The following CCDC93 variants were observed in gnomAD, a reference collection of about 807,000 sequenced individuals.
CCDC93 encodes CCC complex scaffolding subunit CCDC93.
Under a neutral mutation model 108.2 loss-of-function variants are expected in CCDC93, and 61 were observed. The observed-to-expected ratio is 0.56, with a 90% CI of 0.46 to 0.70. The LOEUF (loss-of-function observed/expected upper bound fraction) is 0.70, where lower values mean the gene tolerates loss of function less well. Ranked by LOEUF, CCDC93 falls within the 30% of genes least tolerant of loss-of-function variation. CCDC93 has a pLI of 0.00. For synonymous variants in CCDC93, 276 were observed against 260.4 expected (o/e 1.06, Z -0.58); for missense variants, 685 against 764.2 (o/e 0.90, Z 1.22).
chr2:117,972,330 G>A (rs779646510), intron 11 of CCDC93, among the ~76,000 whole-genome samples: 5 of 152,196 alleles, frequency 3.3e-5, no homozygotes, highest in Middle Eastern at 3.2e-3. Context: ...AAACCAGAAT[G>A]TATCCATCAG....
Position 117,931,174 on chromosome 2 carries a change from G to A in CCDC93, c.1729-24C>T, listed in dbSNP as rs758676558. ...ATCTGTTGAAACATTGTGGGAAATG[G>A]TGATGAAAAGACATGTTCTGCCCAA... is the stretch of plus-strand genomic sequence containing the variant. On this transcript the variant is annotated intron_variant, in intron 22 of 23. Transcript: ENST00000376300. The A allele has an allele frequency of 3.3e-5, 51 of 1,562,054 alleles. No individual in the cohort carries two copies. The Admixed American group carries it at 6.5e-4, about 20-fold the overall frequency.
rs1677699888 is a variant in CCDC93, at chr2:117,916,763, T to C, written c.*3580A>G. The C allele has an allele frequency of 6.6e-6, 1 of 152,214 alleles. No individual in the cohort carries two copies. The highest frequency in any genetic ancestry group is 1.5e-5 in the Non-Finnish European group (1 of 68,042). 9.4% of individuals were successfully genotyped at this position (152,214 alleles called of 1,614,324 possible). ...CAGATTCTCCAGTTTTGCACATTTA[T>C]TGAGAAGAGGGAATACTATTATAGC... On this transcript the variant is annotated 3_prime_UTR_variant, in exon 24 of 24. Transcript: ENST00000376300.
At position 117,917,832 on chromosome 2, in the gene CCDC93, G is replaced by GC. The variant is rs1186364357; in HGVS notation, c.*2510dup. ...CATAAGAAGCAAGAAGTGGGAGGGA[G>GC]CCCCCAACCCAGAGGCTGGCGGAGA... On this transcript the variant is annotated 3_prime_UTR_variant, in exon 24 of 24. Coordinates refer to ENST00000376300, the MANE Select transcript of CCDC93 (RefSeq NM_019044.5). 3.3e-5 allele frequency: 5 copies of GC among 152,352 alleles called. No homozygotes were observed. The highest frequency in any genetic ancestry group is 7.3e-5 in the Non-Finnish European group (5 of 68,164). 9.4% of individuals were successfully genotyped at this position (152,352 alleles called of 1,614,324 possible). A position where few individuals can be genotyped will look rare whatever the true frequency, so the allele number is the denominator to read the frequency against.
rs1302051851 is a variant in CCDC93 at position 117,915,625 on chromosome 2, CA to C, written c.*4717del. 1 of 152,068 alleles carries C rather than the reference CA, an allele frequency of 6.6e-6. No individual in the cohort carries two copies. Among genetic ancestry groups the C allele is most frequent in the Non-Finnish European group, 1.5e-5 (1 of 68,004 alleles). 9.4% of individuals were successfully genotyped at this position (152,068 alleles called of 1,614,324 possible). A position where few individuals can be genotyped will look rare whatever the true frequency, so the allele number is the denominator to read the frequency against. ...TAATACATGTACATGGTACAAAATT[CA>C]AAAGGTACAAAAGGTGTACATTGAA... On this transcript the variant is annotated 3_prime_UTR_variant, in exon 24 of 24. Coordinates refer to ENST00000376300, the MANE Select transcript of CCDC93 (RefSeq NM_019044.5).
rs573585687 is a variant in CCDC93, at chr2:118,004,534, C to T, written c.251+2188G>A. Among the ~76,000 whole-genome samples the T allele has an allele frequency of 3.3e-5, 5 of 152,324 alleles. No individual in the cohort carries two copies. The South Asian group carries it at 6.2e-4, about 19-fold the overall frequency. ...TAAATTGACTAGATATACTGGAAGACGGCAAACATAAGGCAGTTTTAGTCT... is the reference window on the plus strand; with the variant it reads ...TAAATTGACTAGATATACTGGAAGATGGCAAACATAAGGCAGTTTTAGTCT... On this transcript the variant is annotated intron_variant, in intron 3 of 23. Transcript: ENST00000376300.
intron 12 of CCDC93, among the ~76,000 whole-genome samples, chr2:117,954,033 A>T (rs1180039749): frequency 6.6e-6 from 1 of 152,172 alleles, no homozygotes; most frequent in Non-Finnish European, 1.5e-5. Context: ...CAACCTTCAG[A>T]ACTGTAAGCA....
chr2:117,978,081 A>G, intron 7 of CCDC93, 51 bp from the exon 8 acceptor site: 1 of 1,483,922 alleles, frequency 6.7e-7, no homozygotes, highest in Non-Finnish European at 9.4e-7. Context: ...ATTACAATAC[A>G]TTCAGTGAAA....
At chr2:118,012,694 C>G (rs184740606) in intron 1 of CCDC93, 1 of 152,180 alleles carries the variant, frequency 6.6e-6, no homozygotes, top group Non-Finnish European at 1.5e-5. Context: ...TCCCAGGCAA[C>G]GTGCATGTAA....
chr2:117,936,300 A>C (rs1678524108), intron 21 of CCDC93, among the ~76,000 whole-genome samples: 1 of 152,192 alleles, frequency 6.6e-6, no homozygotes, highest in African/African-American at 2.4e-5. Flanking sequence ...TTTAGAGAAC[A>C]ATGTACACAT....
At chr2:117,947,005 A>G in intron 15 of CCDC93, 123 bp from the exon 16 acceptor site, 1 of 748,440 alleles carries the variant, frequency 1.3e-6, no homozygotes, top group Non-Finnish European at 2.3e-6. Context: ...ACGAAAAGCT[A>G]ATGAGGTAGC....
At chr2:117,934,306 G>A (rs999918711) in intron 22 of CCDC93, among the ~76,000 whole-genome samples, 1 of 152,158 alleles carries the variant, frequency 6.6e-6, no homozygotes, top group South Asian at 2.1e-4. Context: ...TGGGTTGTCA[G>A]AGGCTTTTGG....
chr2:117,935,284 G>C (rs17569842), intron 22 of CCDC93, among the ~76,000 whole-genome samples: 1 of 152,086 alleles, frequency 6.6e-6, no homozygotes, highest in Non-Finnish European at 1.5e-5. Context: ...ACTGCTAACA[G>C]CAACTTTTGA....
At position 118,014,013 on chromosome 2, in the gene CCDC93, G is replaced by A; in HGVS notation, c.-18C>T. On this transcript the variant is annotated 5_prime_UTR_variant, in exon 1 of 24. In the 5' UTR this introduces an upstream ATG that the reference lacks. Transcript: ENST00000376300. ...AACCCCATGATCCGACCGGGCTGTC[G>A]TAAGGCGAGAGCGAAGCCCGCCAAG... 2 of 1,593,760 alleles carry A rather than the reference G, an allele frequency of 1.3e-6. No homozygotes were observed. The highest frequency in any genetic ancestry group is 1.7e-6 in the Non-Finnish European group (2 of 1,171,554).
At chr2:118,008,286 G>C (rs1676931944) in intron 2 of CCDC93, among the ~76,000 whole-genome samples, 1 of 152,126 alleles carries the variant, frequency 6.6e-6, no homozygotes, top group Non-Finnish European at 1.5e-5. Flanking sequence ...TAAATTCCTT[G>C]AAAGAAGGAA....
At chr2:118,013,815 C>T in intron 1 of CCDC93, 139 bp downstream of exon 1, 1 of 723,178 alleles carries the variant, frequency 1.4e-6, no homozygotes, top group Non-Finnish European at 2.2e-6. Context: ...AGAGGGTCGG[C>T]GCTTCCCTGA....
intron 11 of CCDC93, among the ~76,000 whole-genome samples, chr2:117,967,819 G>A (rs1558787133): frequency 6.6e-6 from 1 of 152,096 alleles, no homozygotes; most frequent in Non-Finnish European, 1.5e-5. Flanking sequence ...GAGTAAAGGT[G>A]GTCCACAGCC....
intron 21 of CCDC93, chr2:117,935,834 A>AT (rs1193230445): frequency 2.9e-6 from 1 of 343,926 alleles, no homozygotes; most frequent in Non-Finnish European, 5.2e-6. Flanking sequence ...TGTAACTTTC[A>AT]TAACTAATAT....
At chr2:117,947,787 A>G (rs950876025) in intron 15 of CCDC93, among the ~76,000 whole-genome samples, 3 of 142,158 alleles carry the variant, frequency 2.1e-5, no homozygotes, top group Non-Finnish European at 4.5e-5. Context: ...TCTGCCTCCC[A>G]GGTTCACGCC....
In CCDC93 at chr2:117,944,009, C is replaced by T. The variant is rs1678788810; in HGVS notation, c.1413+15G>A. The T allele has an allele frequency of 1.3e-6, 2 of 1,573,538 alleles. No homozygotes were observed. The highest frequency in any genetic ancestry group is 1.4e-5 in the African/African-American group (1 of 73,538). ...TAGAAGCATTTATGCATATTTTTGTCCTTCTTTTACTCACCTGTAGTAAAC... is the reference window on the plus strand; with the variant it reads ...TAGAAGCATTTATGCATATTTTTGTTCTTCTTTTACTCACCTGTAGTAAAC... On this transcript the variant is annotated intron_variant, in intron 18 of 23. Transcript: ENST00000376300.
Sources: allele counts gnomAD v4.1 joint callset (sites outside exome capture counted in the v4.1 genomes callset), GRCh38; gene constraint gnomAD v4.1.1; transcripts MANE v1.5; gene names NCBI Gene and HGNC (gene_info 2026-07-23, HGNC 2026-07-21).